Variants in ACO2 observed in about 807,000 individuals in gnomAD.
The protein encoded by ACO2 is aconitase 2.
Under a neutral mutation model 84.5 loss-of-function variants are expected in ACO2, and 31 were observed. That is an observed-to-expected ratio of 0.37 (90% CI 0.28 to 0.50). ACO2 has a LOEUF of 0.50. Among genes scored for constraint, ACO2 ranks in the 20% least tolerant of loss-of-function variants. ACO2 has a pLI of 0.97. For synonymous variants in ACO2, 414 were observed against 412.7 expected (o/e 1.00, Z -0.04); for missense variants, 685 against 1,029.3 (o/e 0.67, Z 4.58).
At chr22:41,509,904 C>T (rs909990751) in intron 3 of ACO2, among the ~76,000 whole-genome samples, 2 of 146,144 alleles carry the variant, frequency 1.4e-5, no homozygotes, top group African/African-American at 5.1e-5. Context: ...ACTGCAATCT[C>T]GGCTCACTGC....
chr22:41,517,841 T>C (rs1396775121), intron 7 of ACO2, among the ~76,000 whole-genome samples: 2 of 152,206 alleles, frequency 1.3e-5, no homozygotes, highest in African/African-American at 4.8e-5. Context: ...GGGCCTGGCA[T>C]CTGAGTTCAA....
At position 41,499,868 on chromosome 22, in the gene ACO2, G is replaced by C. The variant is rs1026420363; in HGVS notation, c.173+6G>C. Reference sequence around the variant, plus strand: ...ATTAACATTGTTCGCAAACGGTAAGGCTGCAGATGGGAGGCTGTGACTGTC... The same window carrying C: ...ATTAACATTGTTCGCAAACGGTAAGCCTGCAGATGGGAGGCTGTGACTGTC... On this transcript the variant is annotated splice_donor_region_variant and intron_variant, in intron 2 of 17. Transcript: ENST00000216254. The C allele has an allele frequency of 6.2e-7, 1 of 1,613,674 alleles. No homozygotes were observed. The highest frequency in any genetic ancestry group is 1.7e-4 in the Middle Eastern group (1 of 6,060).
At chr22:41,500,228 C>T (rs1312790312) in intron 2 of ACO2, among the ~76,000 whole-genome samples, 1 of 152,048 alleles carries the variant, frequency 6.6e-6, no homozygotes, top group South Asian at 2.1e-4. Context: ...ATTTCCTCTT[C>T]AGTGCACAGG....
intron 17 of ACO2, 57 bp from the exon 18 acceptor site, chr22:41,528,422 G>A (rs201174582): frequency 5.6e-5 from 89 of 1,588,886 alleles, no homozygotes; most frequent in South Asian, 1.7e-4. Flanking sequence ...ACCCCCCTGC[G>A]GGGCCAAGGG....
rs551303746 is a variant in ACO2 at position 41,528,643 on chromosome 22, G to A, written c.*30G>A. 23 of 1,607,286 alleles carry A rather than the reference G, an allele frequency of 1.4e-5. No homozygotes were observed. The highest frequency in any genetic ancestry group is 1.3e-4 in the Admixed American group (8 of 59,850). On this transcript the variant is annotated 3_prime_UTR_variant, in exon 18 of 18. Coordinates refer to ENST00000216254, the MANE Select transcript of ACO2 (RefSeq NM_001098.3). ...AGTGCCTCCCCGCCCCGCCGCTGGC[G>A]TCAAGTTCAGCTCCACGTGTGCCAT...
intron 15 of ACO2, 26 bp from the exon 16 acceptor site, chr22:41,527,262 T>A (rs751880916): frequency 6.2e-7 from 1 of 1,614,018 alleles, no homozygotes; most frequent in Non-Finnish European, 8.5e-7. Context: ...CTCTGCCTTA[T>A]AACCTTACCC....
chr22:41,475,297 C>A (rs988936234), intron 1 of ACO2, among the ~76,000 whole-genome samples: 2 of 151,732 alleles, frequency 1.3e-5, no homozygotes, highest in African/African-American at 4.8e-5. Flanking sequence ...CCCAGCCTCC[C>A]TAGTAGCTGG....
intron 1 of ACO2, among the ~76,000 whole-genome samples, chr22:41,472,093 G>C (rs1341344472): frequency 2.0e-5 from 3 of 152,094 alleles, no homozygotes; most frequent in African/African-American, 7.2e-5. Context: ...AGTGTCTCAC[G>C]CCTGTAATCC....
At chr22:41,470,187 T>G (rs553098333) in intron 1 of ACO2, among the ~76,000 whole-genome samples, 1 of 152,334 alleles carries the variant, frequency 6.6e-6, no homozygotes, top group East Asian at 1.9e-4. Context: ...AGAGGTTCAA[T>G]GTCAAATGTG....
chr22:41,528,044 G>A, intron 17 of ACO2, 22 bp downstream of exon 17: 2 of 1,613,946 alleles, frequency 1.2e-6, no homozygotes, highest in Non-Finnish European at 1.7e-6. Context: ...GGGTCCCCCT[G>A]AGGTGGTGGG....
intron 17 of ACO2, 165 bp from the exon 18 acceptor site, chr22:41,528,314 G>A (rs1039182290): frequency 3.2e-5 from 33 of 1,042,674 alleles, no homozygotes; most frequent in Non-Finnish European, 3.4e-5. Context: ...CCCTGTAGGT[G>A]CCACCTGGGT....
chr22:41,524,986 C>G lies in ACO2; in HGVS notation c.1605+18C>G. On this transcript the variant is annotated intron_variant, in intron 13 of 17. Coordinates refer to ENST00000216254, the MANE Select transcript of ACO2 (RefSeq NM_001098.3). ...CCAAAGGGGTGAGCGCCCACGCCCC[C>G]TGCTTGCTGGTTGCTGTGTGGCCAC... 2 of 1,614,160 alleles carry G rather than the reference C, an allele frequency of 1.2e-6. No individual in the cohort carries two copies. The highest frequency in any genetic ancestry group is 4.5e-5 in the East Asian group (2 of 44,882).
Position 41,515,536 on chromosome 22 carries a change from G to T in ACO2, c.684+1G>T, listed in dbSNP as rs747330606. On this transcript the variant is annotated splice_donor_variant, in intron 5 of 17. Transcript: ENST00000216254. LOFTEE classifies it high-confidence loss of function. The surrounding 1 kb of genome is among the most constrained non-coding windows in gnomAD (Gnocchi z 5.8). ...CCCCTGGGAGCTGAAGTGCCCCAAG[G>T]TGAGGGTGGGGAGGGACTCATTCTG... The T allele has an allele frequency of 9.3e-6, 15 of 1,608,314 alleles. No homozygotes were observed. Among genetic ancestry groups the T allele is most frequent in the Non-Finnish European group, 1.3e-5 (15 of 1,177,062 alleles).
intron 1 of ACO2, among the ~76,000 whole-genome samples, chr22:41,478,663 T>C (rs2038048715): frequency 6.6e-6 from 1 of 152,044 alleles, no homozygotes; most frequent in Non-Finnish European, 1.5e-5. Flanking sequence ...ATTGAGATGG[T>C]TTCTGATTGG....
At position 41,515,915 on chromosome 22, in the gene ACO2, C is replaced by G. The variant is rs1264047106; in HGVS notation, c.833C>G (p.Thr278Ser). 6.2e-7 allele frequency: 1 copy of G among 1,613,760 alleles called. No individual in the cohort carries two copies. Among genetic ancestry groups the G allele is most frequent in the South Asian group, 1.1e-5 (1 of 91,038 alleles). Residue 278 changes from threonine (T) to serine (S), a missense_variant and splice_region_variant, in exon 6 of 18, where the codon ACT becomes AGT. Coordinates refer to ENST00000216254, the MANE Select transcript of ACO2 (RefSeq NM_001098.3). This position sits in a 1 kb window ranked among gnomAD's most constrained non-coding sequence, Gnocchi z 5.8. ...HGPGVDSISC[T>S]GMATICNMGA... is the part of the protein sequence containing the mutation. Reference sequence around the variant, plus strand: ...CCTGGTGTAGACTCCATCTCCTGCACTGGTGAGGAAGGCGGCCAGGCGACG... The same window carrying G: ...CCTGGTGTAGACTCCATCTCCTGCAGTGGTGAGGAAGGCGGCCAGGCGACG...
intron 15 of ACO2, 52 bp downstream of exon 15, chr22:41,526,505 G>T: frequency 6.4e-7 from 1 of 1,564,472 alleles, no homozygotes. Context: ...GAAGGGGCCT[G>T]CAAGGCAGGT....
intron 1 of ACO2, among the ~76,000 whole-genome samples, chr22:41,490,791 T>C (rs989614204): frequency 6.6e-6 from 1 of 152,176 alleles, no homozygotes; most frequent in Non-Finnish European, 1.5e-5. Flanking sequence ...TGTATTTTAA[T>C]CCTGCTTAGT....
chr22:41,470,012 G>C (rs1307631983), intron 1 of ACO2, among the ~76,000 whole-genome samples: 1 of 152,154 alleles, frequency 6.6e-6, no homozygotes, highest in African/African-American at 2.4e-5. Flanking sequence ...TCAGAATGCA[G>C]TACGAATATT....
intron 2 of ACO2, among the ~76,000 whole-genome samples, chr22:41,504,101 G>A (rs1399809168): frequency 6.6e-5 from 10 of 152,088 alleles, no homozygotes; most frequent in Admixed American, 4.6e-4. Context: ...CTGTAATCCC[G>A]GCCACTCGGG....
Sources: allele counts gnomAD v4.1 joint callset (sites outside exome capture counted in the v4.1 genomes callset), GRCh38; gene constraint gnomAD v4.1.1; non-coding constraint Gnocchi (gnomAD v3.1); transcripts MANE v1.5; gene names NCBI Gene and HGNC (gene_info 2026-07-23, HGNC 2026-07-21).